Variants in SUSD2 observed in about 807,000 individuals in gnomAD.
SUSD2 encodes the protein sushi domain-containing protein 2.
A neutral mutation model predicts 93.8 loss-of-function variants in SUSD2; 86 were observed. The observed-to-expected ratio is 0.92, with a 90% CI of 0.77 to 1.10. The LOEUF is 1.10. SUSD2 is among the 50% of genes least tolerant of loss of function. SUSD2 has a pLI of 0.00. For missense variants in SUSD2, 1,060 were observed against 1,137.0 expected (o/e 0.93, Z 0.97); for synonymous variants, 483 against 485.0 (o/e 1.00, Z 0.05).
At position 24,187,601 on chromosome 22, in the gene SUSD2, C is replaced by T. The variant is rs1569341206; in HGVS notation, c.1922C>T (p.Thr641Ile). Residue 641 changes from threonine to isoleucine, a missense_variant, in exon 12 of 15, where the codon ACC (threonine) becomes ATC (isoleucine). Coordinates refer to ENST00000358321, the MANE Select transcript of SUSD2 (RefSeq NM_019601.4). ...WTVHNASSLL[T>I]YDSWFLVHNF... ...GTGCACAATGCGTCCTCCCTGCTCA[C>T]CTACGATTCCTGGTTCCTGGTCCAC... 1 of 1,613,850 alleles carries T rather than the reference C, an allele frequency of 6.2e-7. No individual in the cohort carries two copies. Among genetic ancestry groups the T allele is most frequent in the Non-Finnish European group, 8.5e-7 (1 of 1,179,810 alleles).
rs764505798 is a variant in SUSD2 at position 24,188,212 on chromosome 22, G to A, written c.2342-13G>A. ...CCAGAGAGCCCCCTCACTGACACTC[G>A]CTCCCTCACCAGGACGCAGCTACGC... On this transcript the variant is annotated splice_polypyrimidine_tract_variant and intron_variant, in intron 13 of 14. Transcript: ENST00000358321. The surrounding 1 kb of genome is among the most constrained non-coding windows in gnomAD (Gnocchi z 4.7). 15 of 1,590,054 alleles carry A rather than the reference G, an allele frequency of 9.4e-6. No homozygotes were observed. In the East Asian group the frequency reaches 1.8e-4, roughly 19 times the overall value.
Position 24,187,598 on chromosome 22 carries a change from T to C in SUSD2, c.1919T>C (p.Leu640Pro). 1 of 1,613,648 alleles carries C rather than the reference T, an allele frequency of 6.2e-7. No homozygotes were observed. Among genetic ancestry groups the C allele is most frequent in the Non-Finnish European group, 8.5e-7 (1 of 1,179,724 alleles). ...ACCGTGCACAATGCGTCCTCCCTGC[T>C]CACCTACGATTCCTGGTTCCTGGTC... ...NWTVHNASSL[L>P]TYDSWFLVHN... Residue 640 changes from leucine to proline, a missense_variant, in exon 12 of 15, where the codon CTC becomes CCC. Leu to Pro is a moderately conservative substitution (Grantham distance 98, BLOSUM62 -3). Around this residue, in one of 2 missense-constraint regions of SUSD2, gnomAD observed 973 missense variants for 1,005.3 expected, o/e 0.97. Transcript: ENST00000358321.
At chr22:24,184,468 T>C (rs763209144) in intron 4 of SUSD2, among the ~76,000 whole-genome samples, 165 bp downstream of exon 4, 3 of 151,318 alleles carry the variant, frequency 2.0e-5, no homozygotes, top group African/African-American at 7.3e-5. Flanking sequence ...GAAGTGCAGG[T>C]CAGGGGGGTC....
rs1438442481 is a variant in SUSD2 at position 24,184,298 on chromosome 22, A to G, written c.602A>G (p.Glu201Gly). Residue 201 changes from glutamate to glycine, a missense_variant, in exon 4 of 15, where the codon GAG becomes GGG. Transcript: ENST00000358321. ...TITIELWGYEETGMPYSQEWT... is the reference protein window; with the variant it reads ...TITIELWGYEGTGMPYSQEWT... The stretch of plus-strand genomic sequence containing the variant: ...ACCATCGAACTGTGGGGCTACGAGG[A>G]GACAGGTGAGGCCAGCTGAGGGCTG... 3.1e-6 allele frequency: 5 copies of G among 1,613,128 alleles called. No homozygotes were observed. The Admixed American group carries it at 8.3e-5, about 27-fold the overall frequency.
rs956242886 is a variant in SUSD2 at position 24,188,496 on chromosome 22, TGCGACTCCCG to T, written c.*61_*70del. The T allele has an allele frequency of 1.8e-5, 28 of 1,537,312 alleles. No individual in the cohort carries two copies. In the African/African-American group the frequency reaches 3.7e-4, roughly 20 times the overall value. On this transcript the variant is annotated 3_prime_UTR_variant, in exon 15 of 15. Coordinates refer to ENST00000358321, the MANE Select transcript of SUSD2 (RefSeq NM_019601.4). The surrounding 1 kb of genome is among the most constrained non-coding windows in gnomAD (Gnocchi z 4.7). ...CTCCTGAGAACAGGCAGCCCAGTCCTGCGACTCCCGCATCCCCAGGACCAGACACCTGGGA... is the reference window on the plus strand; with the variant it reads ...CTCCTGAGAACAGGCAGCCCAGTCCTCATCCCCAGGACCAGACACCTGGGA...
At chr22:24,182,494 T>C (rs1012388591) in intron 1 of SUSD2, 1 of 155,808 alleles carries the variant, frequency 6.4e-6, no homozygotes, top group Non-Finnish European at 1.4e-5. Context: ...GGGTCTCAAT[T>C]GCAGCCCCTG....
intron 2 of SUSD2, 68 bp from the exon 3 acceptor site, chr22:24,183,427 G>T (rs2047338226): frequency 6.4e-7 from 1 of 1,570,244 alleles, no homozygotes; most frequent in Non-Finnish European, 8.6e-7. Flanking sequence ...AGGGAGGTTG[G>T]GGGCCCAGAC....
chr22:24,187,021 C>T (rs1033830799), intron 10 of SUSD2, 181 bp from the exon 11 acceptor site: 55 of 735,394 alleles, frequency 7.5e-5, no homozygotes, highest in Non-Finnish European at 1.0e-4. Context: ...GGAGTTCCAC[C>T]GCAAGCATGG....
chr22:24,184,932 A>G lies in SUSD2; in HGVS notation c.774A>G (p.Ala258=). Reference sequence around the variant, plus strand: ...GGATCATCGACAGCAAAAATTACGCAGGGCAGAAGTAAGAAGGCATGGATG... The same window carrying G: ...GGATCATCGACAGCAAAAATTACGCGGGGCAGAAGTAAGAAGGCATGGATG... ...ALRIIDSKNY[A]GQKDVQALWT... The change falls in exon 5 of 15, where the codon GCA becomes GCG. Residue 258 remains alanine, a synonymous_variant. Transcript: ENST00000358321. The G allele has an allele frequency of 1.2e-6, 2 of 1,613,382 alleles. No homozygotes were observed. The highest frequency in any genetic ancestry group is 1.7e-6 in the Non-Finnish European group (2 of 1,179,794).
At chr22:24,186,937 C>CAAG in intron 10 of SUSD2, 1 of 555,098 alleles carries the variant, frequency 1.8e-6, no homozygotes, top group Non-Finnish European at 3.2e-6. Flanking sequence ...CTGCTGCAGC[C>CAAG]AAGGCCAGAG....
chr22:24,181,618 G>A (rs966580045), intron 1 of SUSD2, 23 bp downstream of exon 1: 3 of 1,547,406 alleles, frequency 1.9e-6, no homozygotes, highest in African/African-American at 2.7e-5. Flanking sequence ...GCCCTTCTGT[G>A]TCCCCGTCTG....
intron 5 of SUSD2, 60 bp downstream of exon 5, chr22:24,185,000 TGCTTGCCTGGGCA>T: frequency 6.2e-7 from 1 of 1,610,638 alleles, no homozygotes; most frequent in Non-Finnish European, 8.5e-7. Flanking sequence ...AGGCCCATCA[TGCTTGCCTGGGCA>T]GCCCAGGCTG....
intron 9 of SUSD2, 38 bp from the exon 10 acceptor site, chr22:24,186,219 G>A: frequency 1.2e-6 from 2 of 1,610,628 alleles, no homozygotes; most frequent in East Asian, 2.2e-5. Context: ...GTGGGAGGCT[G>A]GAGCCAAGTG....
rs770951792 is a variant in SUSD2 at position 24,183,060 on chromosome 22, C to T, written c.80C>T (p.Ala27Val). The T allele has an allele frequency of 2.5e-5, 40 of 1,613,116 alleles. No individual in the cohort carries two copies. The East Asian group carries it at 4.7e-4, about 19-fold the overall frequency. Residue 27 changes from alanine to valine, a missense_variant, in exon 2 of 15, where the codon GCC becomes GTC. By Grantham distance (64) the Ala-to-Val change is moderately conservative (BLOSUM62 0). Around this residue, in one of 2 missense-constraint regions of SUSD2, gnomAD observed 87 missense variants for 131.6 expected, o/e 0.66. Transcript: ENST00000358321. ...CCCTCAGCATCCTCTCCTCCAGATG[C>T]CCAAGAGAGCTGCTCCATGCGCTGT... ...LGPGPGPTAD[A>V]QESCSMRCGA...
Position 24,181,489 on chromosome 22 carries a change from T to C in SUSD2, c.-31T>C, listed in dbSNP as rs2047325340. 2 of 1,526,478 alleles carry C rather than the reference T, an allele frequency of 1.3e-6. No homozygotes were observed. Among genetic ancestry groups the C allele is most frequent in the East Asian group, 2.4e-5 (1 of 40,940 alleles). The allele number at this position is 1,526,478 out of a possible 1,614,324, so 94.6% of individuals were successfully genotyped here. Reference sequence around the variant, plus strand: ...TCTGGCCGCCTCGCCTCGGAGCCACTGCACTGCTGGCTGCAGACACAGGCT... The same window carrying C: ...TCTGGCCGCCTCGCCTCGGAGCCACCGCACTGCTGGCTGCAGACACAGGCT... On this transcript the variant is annotated 5_prime_UTR_variant, in exon 1 of 15. Transcript: ENST00000358321.
chr22:24,185,373 C>T, intron 6 of SUSD2, 78 bp downstream of exon 6: 1 of 1,548,650 alleles, frequency 6.5e-7, no homozygotes, highest in Non-Finnish European at 8.7e-7. Flanking sequence ...GGGAGGCAGA[C>T]AGAGGTGTCC....
At chr22:24,186,563 C>T (rs1377880048) in intron 10 of SUSD2, 148 bp downstream of exon 10, 5 of 940,262 alleles carry the variant, frequency 5.3e-6, no homozygotes, top group East Asian at 5.3e-5. Flanking sequence ...TCACACCCAC[C>T]GAGGTGCCCC....
Position 24,188,660 on chromosome 22 carries a change from GCTCT to G in SUSD2, c.*225_*228del, listed in dbSNP as rs1254815848. ...CCGTGCTCTTCCCCAAATACTCACGGCTCTAATTCCCCAAACCTGAAACTTCATA... is the reference window on the plus strand; with the variant it reads ...CCGTGCTCTTCCCCAAATACTCACGGAATTCCCCAAACCTGAAACTTCATA... On this transcript the variant is annotated 3_prime_UTR_variant, in exon 15 of 15. Coordinates refer to ENST00000358321, the MANE Select transcript of SUSD2 (RefSeq NM_019601.4). This position sits in a 1 kb window ranked among gnomAD's most constrained non-coding sequence, Gnocchi z 4.7. The G allele has an allele frequency of 3.2e-5, 18 of 554,712 alleles. No individual in the cohort carries two copies. Among genetic ancestry groups the G allele is most frequent in the Non-Finnish European group, 5.8e-5 (18 of 310,148 alleles). 34.4% of individuals were successfully genotyped at this position (554,712 alleles called of 1,614,324 possible). A position where few individuals can be genotyped will look rare whatever the true frequency, so the allele number is the denominator to read the frequency against.
At position 24,186,273 on chromosome 22, in the gene SUSD2, C is replaced by T. The variant is rs760326924; in HGVS notation, c.1500C>T (p.Gly500=). ...GTMSNGTETR[G]TGLTAVAVQE... ...CCACCGCAGGCACGGAGACCCGTGG[C>T]ACTGGGCTGACCGCAGTGGCCGTCC... Residue 500 remains glycine, a synonymous_variant, in exon 10 of 15, where the codon GGC becomes GGT. Coordinates refer to ENST00000358321, the MANE Select transcript of SUSD2 (RefSeq NM_019601.4). The T allele has an allele frequency of 6.2e-7, 1 of 1,613,572 alleles. No homozygotes were observed. The highest frequency in any genetic ancestry group is 2.2e-5 in the East Asian group (1 of 44,882).
Sources: gnomAD v4.1 joint callset for allele counts (sites outside exome capture counted in the v4.1 genomes callset) on GRCh38, gnomAD v4.1.1 for gene constraint, gnomAD v4.1.1 regional missense constraint, Gnocchi (gnomAD v3.1) non-coding constraint, MANE v1.5 for transcripts, NCBI Gene and HGNC (gene_info 2026-07-23, HGNC 2026-07-21) for gene names.